The following MSL2 variants were observed in gnomAD, a reference collection of about 807,000 sequenced individuals.
The protein encoded by MSL2 is MSL complex subunit 2, also known as E3 ubiquitin-protein ligase MSL2.
In MSL2, 2 loss-of-function variants were observed where a neutral mutation model predicts 35.8. That is an observed-to-expected ratio of 0.06 (90% confidence interval 0.02 to 0.18). The LOEUF is 0.18. Ranked by LOEUF, MSL2 falls within the 10% of genes least tolerant of loss-of-function variation. The pLI, the probability that MSL2 is intolerant of heterozygous loss-of-function variation, is 1.00. For synonymous variants in MSL2, 296 were observed against 255.7 expected (o/e 1.16, Z -1.50); for missense variants, 523 against 706.7 (o/e 0.74, Z 2.95).
intron 1 of MSL2, among the ~76,000 whole-genome samples, chr3:136,154,876 G>A (rs1939474683): frequency 6.6e-6 from 1 of 152,132 alleles, no homozygotes; most frequent in African/African-American, 2.4e-5. Flanking sequence ...GGGCAAGACA[G>A]CAAGACCCTG....
chr3:136,194,555 G>C, intron 1 of MSL2: 1 of 608,392 alleles, frequency 1.6e-6, no homozygotes, highest in Non-Finnish European at 2.1e-6. Context: ...ACACCAGTTT[G>C]GGGAAATGCA....
At chr3:136,167,416 T>A (rs1476022318) in intron 1 of MSL2, among the ~76,000 whole-genome samples, 3 of 152,174 alleles carry the variant, frequency 2.0e-5, no homozygotes, top group Non-Finnish European at 4.4e-5. Flanking sequence ...CATCATATAA[T>A]TCTAATTTAA....
chr3:136,195,480 G>C lies in MSL2; in HGVS notation c.-367C>G, dbSNP rs372080099. 9.8e-7 allele frequency: 1 copy of C among 1,018,998 alleles called. No homozygotes were observed. Among genetic ancestry groups the C allele is most frequent in the Non-Finnish European group, 1.2e-6 (1 of 851,504 alleles). The allele number at this position is 1,018,998 out of a possible 1,614,324, so 63.1% of individuals were successfully genotyped here. On this transcript the variant is annotated 5_prime_UTR_variant, in exon 1 of 2. Transcript: ENST00000309993. ...CGGCCTGCACTCGAGCTCCATCTCC[G>C]GACACGGAGGCGCCTCCTCAAGTCG...
At chr3:136,183,501 A>T (rs527640070) in intron 1 of MSL2, among the ~76,000 whole-genome samples, 3 of 152,216 alleles carry the variant, frequency 2.0e-5, no homozygotes, top group Admixed American at 2.0e-4. Flanking sequence ...CGATCACTGC[A>T]ACCTCTGCCT....
intron 1 of MSL2, among the ~76,000 whole-genome samples, chr3:136,166,733 T>C (rs751244401): frequency 6.6e-6 from 1 of 152,234 alleles, no homozygotes; most frequent in Admixed American, 6.5e-5. Flanking sequence ...CTCAAATTGC[T>C]TGCCCGTCTC....
intron 1 of MSL2, among the ~76,000 whole-genome samples, chr3:136,166,485 A>G (rs1170939469): frequency 6.6e-6 from 1 of 152,146 alleles, no homozygotes; most frequent in Non-Finnish European, 1.5e-5. Flanking sequence ...TTGAATCAAC[A>G]TGCTTTTTAA....
At position 136,196,231 on chromosome 3, in the gene MSL2, A is replaced by C. The variant is rs917927565; in HGVS notation, c.-1118T>G. The C allele has an allele frequency of 6.6e-6, 1 of 151,438 alleles. No homozygotes were observed. The highest frequency in any genetic ancestry group is 2.4e-5 in the African/African-American group (1 of 41,000). 9.4% of individuals were successfully genotyped at this position (151,438 alleles called of 1,614,324 possible). ...GATCCCGCGGGCTGTGTGGCGCCTC[A>C]GGCCTCTGCTGGCGGCGACGACGAC... On this transcript the variant is annotated 5_prime_UTR_variant, in exon 1 of 2. Transcript: ENST00000309993.
At chr3:136,191,926 T>C (rs1262009971) in intron 1 of MSL2, among the ~76,000 whole-genome samples, 2 of 152,212 alleles carry the variant, frequency 1.3e-5, no homozygotes, top group African/African-American at 2.4e-5. Context: ...ATTGCAAAGT[T>C]TGAAGGGCTT....
At chr3:136,180,816 G>GGAAGGAGGGAAGGAAGGAA (rs1553767129) in intron 1 of MSL2, among the ~76,000 whole-genome samples, 5 of 53,632 alleles carry the variant, frequency 9.3e-5, no homozygotes, top group Non-Finnish European at 9.7e-5. Context: ...GAGGGAAGGA[G>GGAAGGAGGGAAGGAAGGAA]GGAAGGAAGG....
At chr3:136,153,864 C>T (rs1939443775) in intron 1 of MSL2, among the ~76,000 whole-genome samples, 1 of 151,914 alleles carries the variant, frequency 6.6e-6, no homozygotes, top group Non-Finnish European at 1.5e-5. Flanking sequence ...GGGCAGATCA[C>T]CTGAGGTCAG....
chr3:136,161,041 A>C (rs2108067339), intron 1 of MSL2, among the ~76,000 whole-genome samples: 1 of 151,584 alleles, frequency 6.6e-6, no homozygotes, highest in East Asian at 2.0e-4. Flanking sequence ...GAGCCAAGAG[A>C]GCGCCACTGC....
At chr3:136,170,964 T>C (rs1040443559) in intron 1 of MSL2, among the ~76,000 whole-genome samples, 1 of 152,146 alleles carries the variant, frequency 6.6e-6, no homozygotes, top group Non-Finnish European at 1.5e-5. Context: ...ATGCCAAGAT[T>C]TGTTCAATAT....
chr3:136,152,803 G>C lies in MSL2; in HGVS notation c.143-65C>G, dbSNP rs372333467. ...TAAATTTACCATTTCATAAACTGAA[G>C]TTTAGATGACATAAGTAGTCTATCA... On this transcript the variant is annotated intron_variant, in intron 1 of 1. Coordinates refer to ENST00000309993, the MANE Select transcript of MSL2 (RefSeq NM_018133.4). 2,384 of 1,556,256 alleles carry C rather than the reference G, an allele frequency of 1.5e-3. 56 individuals are homozygous for C. The South Asian group carries it at 0.028, about 18-fold the overall frequency.
chr3:136,188,047 C>G (rs1438965865), intron 1 of MSL2, among the ~76,000 whole-genome samples: 1 of 152,164 alleles, frequency 6.6e-6, no homozygotes, highest in Non-Finnish European at 1.5e-5. Flanking sequence ...CACTATAGGG[C>G]AAGGGCTCTC....
chr3:136,181,618 T>C (rs533503827), intron 1 of MSL2, among the ~76,000 whole-genome samples: 95 of 152,240 alleles, frequency 6.2e-4, no homozygotes, highest in African/African-American at 2.2e-3. Flanking sequence ...TCCAGCTCAA[T>C]GTTTTAAAAT....
chr3:136,191,065 T>C (rs1940673944), intron 1 of MSL2, among the ~76,000 whole-genome samples: 1 of 151,120 alleles, frequency 6.6e-6, no homozygotes, highest in Admixed American at 6.6e-5. Flanking sequence ...CCTGATAGTT[T>C]AGTCTCTTCC....
chr3:136,159,529 A>ATT (rs71624086), intron 1 of MSL2, among the ~76,000 whole-genome samples: 16 of 135,916 alleles, frequency 1.2e-4, no homozygotes, highest in East Asian at 1.1e-3. Flanking sequence ...ACGCCCAGCT[A>ATT]TTTTTTTTTT....
chr3:136,150,866 GTTAT>G lies in MSL2; in HGVS notation c.*277_*280del. On this transcript the variant is annotated 3_prime_UTR_variant, in exon 2 of 2. Transcript: ENST00000309993. ...CATGGCCATAAACAATGAGGTTAATGTTATTTTTCTTGCCAAAGTTCATTTTGTA... is the reference window on the plus strand; with the variant it reads ...CATGGCCATAAACAATGAGGTTAATGTTTTCTTGCCAAAGTTCATTTTGTA... 2.7e-6 allele frequency: 1 copy of G among 366,788 alleles called. No homozygotes were observed. Among genetic ancestry groups the G allele is most frequent in the Non-Finnish European group, 5.0e-6 (1 of 199,250 alleles). The allele number at this position is 366,788 out of a possible 1,614,324, so 22.7% of individuals were successfully genotyped here.
chr3:136,194,991 G>A lies in MSL2; in HGVS notation c.123C>T (p.Ser41=), dbSNP rs757454650. 1.9e-6 allele frequency: 3 copies of A among 1,613,730 alleles called. No individual in the cohort carries two copies. Among genetic ancestry groups the A allele is most frequent in the South Asian group, 1.1e-5 (1 of 91,044 alleles). ...TCTCACCGCAAACACAGCACGAAAG[G>A]GACTGTCGGAAGTAAGGCAAGAGCC... ...INRLLPYFRQ[S]LSCCVCGHLL... is the part of the protein sequence containing the mutation. The change falls in exon 1 of 2, where the codon TCC becomes TCT. Residue 41 remains serine, a synonymous_variant. Coordinates refer to ENST00000309993, the MANE Select transcript of MSL2 (RefSeq NM_018133.4).
Sources: allele counts gnomAD v4.1 joint callset (sites outside exome capture counted in the v4.1 genomes callset), GRCh38; gene constraint gnomAD v4.1.1; transcripts MANE v1.5; gene names NCBI Gene and HGNC (gene_info 2026-07-23, HGNC 2026-07-21).